The following CSMD1 variants were observed in gnomAD, a reference collection of about 807,000 sequenced individuals.
CSMD1 encodes the protein CUB and Sushi multiple domains 1, also known as CUB and sushi domain-containing protein 1.
Under a neutral mutation model 417.5 loss-of-function variants are expected in CSMD1, and 213 were observed. The observed-to-expected ratio is 0.51, with a 90% confidence interval of 0.46 to 0.57. The LOEUF (loss-of-function observed/expected upper bound fraction) is 0.57. Ranked by LOEUF, CSMD1 falls within the 20% of genes least tolerant of loss-of-function variation. CSMD1 has a pLI of 0.00. For missense variants in CSMD1, 6,923 were observed against 4,529.7 expected, an observed-to-expected ratio of 1.53 and a Z score of -15.17; for synonymous variants, 2,862 against 1,736.8, an observed-to-expected ratio of 1.65 and a Z score of -16.11.
intron 1 of CSMD1, among the ~76,000 whole-genome samples, chr8:4,645,934 T>C (rs1485057625): frequency 6.6e-6 from 1 of 152,140 alleles, no homozygotes; most frequent in Non-Finnish European, 1.5e-5. Context: ...AACACGACTT[T>C]AGAGATTCTG....
At chr8:3,362,071 TC>T (rs1402763606) in intron 20 of CSMD1, among the ~76,000 whole-genome samples, 12 of 151,758 alleles carry the variant, frequency 7.9e-5, no homozygotes, top group African/African-American at 2.7e-4. Context: ...ATCCTTTTTT[TC>T]CCCCTTCATC....
intron 30 of CSMD1, among the ~76,000 whole-genome samples, chr8:3,206,482 G>GGA (rs1797281752): frequency 6.5e-5 from 1 of 15,492 alleles, no homozygotes; most frequent in Non-Finnish European, 1.8e-4. Flanking sequence ...GTCTGTGCGT[G>GGA]TATGTGTGTG....
chr8:3,039,140 G>A (rs1810897212), intron 50 of CSMD1, among the ~76,000 whole-genome samples: 1 of 152,134 alleles, frequency 6.6e-6, no homozygotes, highest in African/African-American at 2.4e-5. Context: ...GTGTGAGTGA[G>A]GCAGACACAG....
intron 5 of CSMD1, among the ~76,000 whole-genome samples, chr8:3,888,211 A>C (rs1433492401): frequency 6.6e-6 from 1 of 152,108 alleles, no homozygotes; most frequent in Non-Finnish European, 1.5e-5. Context: ...TCAAATCAAA[A>C]CCTAGACATA....
chr8:3,739,709 A>G (rs1796696312), intron 6 of CSMD1, among the ~76,000 whole-genome samples: 1 of 152,216 alleles, frequency 6.6e-6, no homozygotes, highest in Non-Finnish European at 1.5e-5. Flanking sequence ...CATAATGGGT[A>G]TTATAAGTTT....
At chr8:4,809,627 G>A (rs1452078961) in intron 1 of CSMD1, among the ~76,000 whole-genome samples, 2 of 152,132 alleles carry the variant, frequency 1.3e-5, no homozygotes, top group Non-Finnish European at 2.9e-5. Flanking sequence ...GAAATAATAT[G>A]CAAGCCACAT....
At chr8:4,859,532 G>T (rs868842461) in intron 1 of CSMD1, among the ~76,000 whole-genome samples, 4 of 152,034 alleles carry the variant, frequency 2.6e-5, no homozygotes, top group African/African-American at 9.7e-5. Flanking sequence ...GCAATATCCA[G>T]AATCTACAAT....
chr8:4,354,886 G>GTGTC (rs1554442786), intron 3 of CSMD1, among the ~76,000 whole-genome samples: 1 of 149,538 alleles, frequency 6.7e-6, no homozygotes, highest in East Asian at 2.0e-4. Context: ...GTGTGTGTGT[G>GTGTC]TGTGTGTGTG....
chr8:3,788,411 C>A (rs1225150404), intron 5 of CSMD1, among the ~76,000 whole-genome samples: 3 of 152,126 alleles, frequency 2.0e-5, no homozygotes, highest in African/African-American at 4.8e-5. Flanking sequence ...CCAAGTGAGG[C>A]TTCTGGAGGT....
At chr8:3,149,108 G>C (rs1819032646) in intron 40 of CSMD1, among the ~76,000 whole-genome samples, 1 of 151,984 alleles carries the variant, frequency 6.6e-6, no homozygotes, top group South Asian at 2.1e-4. Context: ...TAAATAGTTT[G>C]TTTAGGTTTA....
Position 4,210,620 on chromosome 8 carries a change from AAT to A in CSMD1, c.416-178523_416-178522del, listed in dbSNP as rs1050251950. On this transcript the variant is annotated intron_variant, in intron 3 of 69. Coordinates refer to ENST00000635120, the MANE Select transcript of CSMD1 (RefSeq NM_033225.6). Reference sequence around the variant, plus strand: ...AGAGCAAAACAATAGCTAATTAAATAATATCTCATTAATTATACAATTAGCCA... The same window carrying A: ...AGAGCAAAACAATAGCTAATTAAATAATCTCATTAATTATACAATTAGCCA... 2.8e-4 allele frequency among the ~76,000 whole-genome samples: 42 copies of A among 152,244 alleles called. 1 individual carries two copies. Among genetic ancestry groups the A allele is most frequent in the African/African-American group, 7.2e-4 (30 of 41,520 alleles).
Position 4,017,322 on chromosome 8 carries a change from G to C in CSMD1, c.610+14583C>G, listed in dbSNP as rs543297468. The stretch of plus-strand genomic sequence containing the variant: ...ATAATTTCTTTCTTTTTAGGGGAGG[G>C]AGGACAAAGTTTCGCTCTTGTTGCC... On this transcript the variant is annotated intron_variant, in intron 4 of 69. Coordinates refer to ENST00000635120, the MANE Select transcript of CSMD1 (RefSeq NM_033225.6). Among the ~76,000 whole-genome samples the C allele has an allele frequency of 8.7e-4, 132 of 152,052 alleles. 1 individual carries two copies. Among genetic ancestry groups the C allele is most frequent in the Admixed American group, 1.1e-3 (17 of 15,272 alleles).
intron 12 of CSMD1, among the ~76,000 whole-genome samples, chr8:3,428,174 G>T (rs1164721317): frequency 6.6e-6 from 1 of 152,112 alleles, no homozygotes; most frequent in Non-Finnish European, 1.5e-5. Flanking sequence ...CAACTATATG[G>T]TTGGGGACCT....
At chr8:4,792,271 C>A (rs1369372485) in intron 1 of CSMD1, among the ~76,000 whole-genome samples, 4 of 152,222 alleles carry the variant, frequency 2.6e-5, no homozygotes, top group Non-Finnish European at 5.9e-5. Context: ...GCAAACACAT[C>A]CTAACTACAC....
chr8:4,428,260 G>C (rs1174384210), intron 2 of CSMD1, among the ~76,000 whole-genome samples: 1 of 152,156 alleles, frequency 6.6e-6, no homozygotes, highest in Non-Finnish European at 1.5e-5. Context: ...CTATCAACTT[G>C]ATACAAGGAA....
chr8:4,775,822 A>G (rs1796825850), intron 1 of CSMD1, among the ~76,000 whole-genome samples: 1 of 152,142 alleles, frequency 6.6e-6, no homozygotes, highest in South Asian at 2.1e-4. Context: ...AACCAATCAG[A>G]AAGTTCCCCT....
intron 5 of CSMD1, among the ~76,000 whole-genome samples, chr8:3,976,691 T>G (rs574020554): frequency 7.9e-5 from 12 of 152,312 alleles, no homozygotes; most frequent in South Asian, 6.2e-4. Flanking sequence ...CTAAGATATT[T>G]TACTTATGAA....
chr8:4,252,921 C>T (rs1383506303), intron 3 of CSMD1, among the ~76,000 whole-genome samples: 1 of 152,162 alleles, frequency 6.6e-6, no homozygotes, highest in Non-Finnish European at 1.5e-5. Flanking sequence ...AGTGGCTGGA[C>T]CCATGGCAGC....
At chr8:3,812,938 G>C (rs768016438) in intron 5 of CSMD1, among the ~76,000 whole-genome samples, 2 of 152,220 alleles carry the variant, frequency 1.3e-5, no homozygotes, top group African/African-American at 4.8e-5. Flanking sequence ...GATAACGTCA[G>C]GTATCTATCA....
Sources: gnomAD v4.1 joint callset for allele counts (sites outside exome capture counted in the v4.1 genomes callset) on GRCh38, gnomAD v4.1.1 for gene constraint, MANE v1.5 for transcripts, NCBI Gene and HGNC (gene_info 2026-07-23, HGNC 2026-07-21) for gene names.